The following DNAH12 variants were observed in gnomAD, a reference collection of about 807,000 sequenced individuals.
DNAH12 encodes the protein axonemal beta dynein heavy chain 12.
A neutral mutation model predicts 371.5 loss-of-function variants in DNAH12; 285 were observed. That is an observed-to-expected ratio of 0.77 (90% CI 0.70 to 0.85). DNAH12 has a LOEUF of 0.85. DNAH12 is among the 40% of genes least tolerant of loss of function. The probability of loss-of-function intolerance (pLI) is 0.00; values close to 1 mark genes in which losing one functional copy is unlikely to be tolerated. For synonymous variants in DNAH12, 1,200 were observed against 1,213.0 expected (o/e 0.99, Z 0.22); for missense variants, 3,611 against 3,689.4 (o/e 0.98, Z 0.55).
In DNAH12 at chr3:57,452,855, A is replaced by G; in HGVS notation, c.3774T>C (p.Cys1258=). Residue 1258 remains cysteine, a synonymous_variant, in exon 25 of 74, where the codon TGT becomes TGC. Transcript: ENST00000495027. The part of the protein sequence containing the change: ...RLVITPLTDR[C]YRTLIGAFYL... ...TTTAAATGCATACCAATGTTCTGTAACACCTGTCAGTTAGAGGCGTAATGA... is the reference window on the plus strand; with the variant it reads ...TTTAAATGCATACCAATGTTCTGTAGCACCTGTCAGTTAGAGGCGTAATGA... 6.5e-7 allele frequency: 1 copy of G among 1,547,436 alleles called. No homozygotes were observed. The highest frequency in any genetic ancestry group is 8.7e-7 in the Non-Finnish European group (1 of 1,145,970).
chr3:57,461,771 T>A, intron 18 of DNAH12, 82 bp from the exon 19 acceptor site: 1 of 1,137,390 alleles, frequency 8.8e-7, no homozygotes, highest in Non-Finnish European at 1.3e-6. Flanking sequence ...GTGAATTCAG[T>A]AAGAATTTGA....
At chr3:57,437,612 G>A (rs1324970230) in intron 29 of DNAH12, among the ~76,000 whole-genome samples, 3 of 152,142 alleles carry the variant, frequency 2.0e-5, no homozygotes, top group African/African-American at 7.2e-5. Context: ...TAGACAGAAG[G>A]ACTTAGCCAA....
In DNAH12 at chr3:57,453,266, G is replaced by T; in HGVS notation, c.3594C>A (p.Val1198=). ...VTIDVHARDV[V]MDMIKMGVSH... ...ACATACCCATTTTAATCATGTCCATGACCACATCTCTAGCATGGACATCAA... is the reference window on the plus strand; with the variant it reads ...ACATACCCATTTTAATCATGTCCATTACCACATCTCTAGCATGGACATCAA... Residue 1198 remains valine, a synonymous_variant, in exon 24 of 74, where the codon GTC becomes GTA. Coordinates refer to ENST00000495027, the MANE Select transcript of DNAH12 (RefSeq NM_001366028.2). 6.5e-7 allele frequency: 1 copy of T among 1,533,768 alleles called. No homozygotes were observed. Among genetic ancestry groups the T allele is most frequent in the South Asian group, 1.3e-5 (1 of 79,292 alleles).
intron 55 of DNAH12, among the ~76,000 whole-genome samples, chr3:57,372,081 T>A (rs1345332583): frequency 6.6e-6 from 1 of 151,822 alleles, no homozygotes; most frequent in Non-Finnish European, 1.5e-5. Flanking sequence ...AGGGTAACTA[T>A]AGTTAACAAT....
chr3:57,541,703 A>G (rs990723758), intron 2 of DNAH12, among the ~76,000 whole-genome samples: 2 of 151,730 alleles, frequency 1.3e-5, no homozygotes, highest in Non-Finnish European at 2.9e-5. Context: ...CTCTAATAGT[A>G]CATATACTGA....
At chr3:57,348,269 C>T (rs114874984) in intron 60 of DNAH12, among the ~76,000 whole-genome samples, 3,611 of 152,126 alleles carry the variant, frequency 0.024, 66 homozygotes, top group Admixed American at 0.035. Flanking sequence ...GCATACATAG[C>T]GCATAATTCC....
At chr3:57,362,084 A>G (rs2062949797) in intron 58 of DNAH12, among the ~76,000 whole-genome samples, 2 of 151,384 alleles carry the variant, frequency 1.3e-5, no homozygotes, top group Non-Finnish European at 2.9e-5. Flanking sequence ...TCATTGTTCA[A>G]TTCCCACCTA....
At position 57,448,928 on chromosome 3, in the gene DNAH12, T is replaced by C. The variant is rs1361727367; in HGVS notation, c.3787-2239A>G. 2.8e-5 allele frequency among the ~76,000 whole-genome samples: 3 copies of C among 106,858 alleles called. No homozygotes were observed. The East Asian group carries it at 9.6e-4, about 34-fold the overall frequency. 70.1% of individuals were successfully genotyped at this position (106,858 alleles called of 152,430 possible). A position where few individuals can be genotyped will look rare whatever the true frequency, so the allele number is the denominator to read the frequency against. ...CCTTGAGCTAGATACAGAGTGCCGA[T>C]TGGTGTATTTACAACCCTGAGCTAG... On this transcript the variant is annotated intron_variant, in intron 25 of 73. Coordinates refer to ENST00000495027, the MANE Select transcript of DNAH12 (RefSeq NM_001366028.2).
intron 45 of DNAH12, among the ~76,000 whole-genome samples, chr3:57,391,026 T>G (rs1225909266): frequency 1.3e-5 from 2 of 152,170 alleles, no homozygotes; most frequent in Non-Finnish European, 2.9e-5. Context: ...GTGGGGCAGA[T>G]GAGCCATCCT....
chr3:57,445,260 C>A lies in DNAH12; in HGVS notation c.4339G>T (p.Asp1447Tyr). ...GCTTTTACTGCTCGCATTCCATAGT[C>A]GTAATGAAATTGCGATGAGAGCTGC... Reference protein sequence around the residue: ...SEQLSSQFHYDYGMRAVKAVL... With the variant: ...SEQLSSQFHYYYGMRAVKAVL... Residue 1447 changes from aspartate (D) to tyrosine (Y), a missense_variant, in exon 28 of 74, where the codon GAC becomes TAC. Coordinates refer to ENST00000495027, the MANE Select transcript of DNAH12 (RefSeq NM_001366028.2). 6.4e-7 allele frequency: 1 copy of A among 1,551,380 alleles called. No individual in the cohort carries two copies.
chr3:57,325,342 C>T (rs973231453), intron 62 of DNAH12, among the ~76,000 whole-genome samples: 1 of 152,218 alleles, frequency 6.6e-6, no homozygotes, highest in Non-Finnish European at 1.5e-5. Flanking sequence ...CAAACTGACA[C>T]CTCACACGGC....
intron 11 of DNAH12, among the ~76,000 whole-genome samples, chr3:57,498,727 C>T (rs1258259698): frequency 2.6e-5 from 4 of 152,086 alleles, no homozygotes; most frequent in Non-Finnish European, 4.4e-5. Context: ...AGGCTAGGCG[C>T]GGTGGCTCAC....
intron 62 of DNAH12, among the ~76,000 whole-genome samples, chr3:57,333,254 C>A (rs2062144793): frequency 6.6e-6 from 1 of 151,682 alleles, no homozygotes; most frequent in African/African-American, 2.4e-5. Context: ...AGCGATCCAC[C>A]CACCTCAGCC....
chr3:57,302,210 G>A (rs978994882), intron 69 of DNAH12, among the ~76,000 whole-genome samples: 1 of 151,940 alleles, frequency 6.6e-6, no homozygotes, highest in African/African-American at 2.4e-5. Flanking sequence ...CTTAGGACCT[G>A]GCTAATTTAA....
At chr3:57,452,518 T>G (rs2065785495) in intron 25 of DNAH12, among the ~76,000 whole-genome samples, 1 of 152,180 alleles carries the variant, frequency 6.6e-6, no homozygotes. Context: ...CTCATCTTCC[T>G]GTCATCTCTC....
intron 29 of DNAH12, among the ~76,000 whole-genome samples, chr3:57,444,183 A>C (rs996131978): frequency 2.0e-5 from 3 of 151,886 alleles, no homozygotes; most frequent in African/African-American, 7.3e-5. Context: ...CCTGGGCAAC[A>C]AGAGCAAAAC....
At position 57,403,462 on chromosome 3, in the gene DNAH12, T is replaced by C; in HGVS notation, c.6795A>G (p.Leu2265=). 1 of 1,551,094 alleles carries C rather than the reference T, an allele frequency of 6.4e-7. No individual in the cohort carries two copies. Residue 2265 remains leucine (L), a synonymous_variant, in exon 43 of 74, where the codon CTA becomes CTG. Transcript: ENST00000495027. ...LEHLSRICRV[L]KQSGGNALLV... ...GCAAAGCATTTCCACCAGATTGCTT[T>C]AGAACTCGACATATTCTTGATAAAT...
At chr3:57,443,221 T>C (rs1004967404) in intron 29 of DNAH12, among the ~76,000 whole-genome samples, 8 of 152,196 alleles carry the variant, frequency 5.3e-5, no homozygotes, top group Admixed American at 2.6e-4. Flanking sequence ...GCAATTCTCC[T>C]GTCTCAGCCT....
intron 4 of DNAH12, chr3:57,519,647 C>G (rs1255818568): frequency 1.4e-6 from 2 of 1,399,234 alleles, no homozygotes; most frequent in Non-Finnish European, 2.0e-6. Context: ...AACAACTGCA[C>G]TAAGAAGCCT....
Sources: gnomAD v4.1 joint callset for allele counts (sites outside exome capture counted in the v4.1 genomes callset) on GRCh38, gnomAD v4.1.1 for gene constraint, MANE v1.5 for transcripts, NCBI Gene and HGNC (gene_info 2026-07-23, HGNC 2026-07-21) for gene names.